Variants in SPMIP7 observed in about 807,000 individuals in gnomAD.
SPMIP7 encodes protein SPMIP7.
the SPMIP7 span, among the ~76,000 whole-genome samples, chr7:50,154,397 A>AC: frequency 4.0e-5 from 6 of 151,834 alleles, no homozygotes; most frequent in East Asian, 9.7e-4. Flanking sequence ...CCGTTGCCTC[A>AC]CCCCCCACCG....
chr7:50,140,205 T>A, the SPMIP7 span: 1 of 1,433,554 alleles, frequency 7.0e-7, no homozygotes, highest in Non-Finnish European at 9.3e-7. Context: ...CTCAGTCTTG[T>A]AAAAAAATTT....
At chr7:50,117,555 T>C in the SPMIP7 span, 4 of 205,536 alleles carry the variant, frequency 1.9e-5, no homozygotes, top group African/African-American at 9.2e-5. Context: ...GCTACTCTAC[T>C]ACCCCTGCCT....
the SPMIP7 span, among the ~76,000 whole-genome samples, chr7:50,111,942 G>A: frequency 8.5e-5 from 13 of 152,098 alleles, no homozygotes; most frequent in East Asian, 1.9e-4. Context: ...TTACTCCCAC[G>A]TCAACTATTT....
chr7:50,149,228 G>A, the SPMIP7 span, among the ~76,000 whole-genome samples: 3 of 152,262 alleles, frequency 2.0e-5, no homozygotes, highest in East Asian at 5.8e-4. Context: ...GCACCATTGG[G>A]AACCTCTGTC....
At chr7:50,099,714 A>T in the SPMIP7 span, among the ~76,000 whole-genome samples, 1 of 152,136 alleles carries the variant, frequency 6.6e-6, no homozygotes, top group Non-Finnish European at 1.5e-5. Context: ...CCCATAGGCA[A>T]CTAGACTGTG....
chr7:50,148,531 A>C, the SPMIP7 span, among the ~76,000 whole-genome samples: 1 of 152,210 alleles, frequency 6.6e-6, no homozygotes, highest in Non-Finnish European at 1.5e-5. Context: ...AAAACCTTTC[A>C]CACAGATGGA....
chr7:50,134,345 ACCT>A, the SPMIP7 span: 1 of 1,041,494 alleles, frequency 9.6e-7, no homozygotes, highest in Non-Finnish European at 1.3e-6. Flanking sequence ...TGTTAACAAT[ACCT>A]AAGGAAGTAA....
chr7:50,129,446 T>C, the SPMIP7 span, among the ~76,000 whole-genome samples: 10 of 152,094 alleles, frequency 6.6e-5, no homozygotes, highest in African/African-American at 2.2e-4. Context: ...TATTTGCTGA[T>C]GTTTCCAATT....
chr7:50,140,133 T>C, the SPMIP7 span: 1 of 1,494,126 alleles, frequency 6.7e-7, no homozygotes. Context: ...TCTTCTCTTT[T>C]TTGAAGTGTG....
chr7:50,105,039 T>C, the SPMIP7 span, among the ~76,000 whole-genome samples: 1 of 152,182 alleles, frequency 6.6e-6, no homozygotes, highest in African/African-American at 2.4e-5. Context: ...AGACAGATAA[T>C]AAATATAAAA....
At chr7:50,145,706 A>G in the SPMIP7 span, among the ~76,000 whole-genome samples, 1 of 140,142 alleles carries the variant, frequency 7.1e-6, no homozygotes, top group African/African-American at 2.7e-5. Flanking sequence ...ACATATATGC[A>G]TCTCACACTT....
the SPMIP7 span, among the ~76,000 whole-genome samples, chr7:50,113,408 A>G: frequency 6.6e-6 from 1 of 152,332 alleles, no homozygotes; most frequent in South Asian, 2.1e-4. Flanking sequence ...AAGACCAAGC[A>G]GCTATTGTAT....
the SPMIP7 span, among the ~76,000 whole-genome samples, chr7:50,119,050 G>A: frequency 6.6e-6 from 1 of 152,112 alleles, no homozygotes; most frequent in African/African-American, 2.4e-5. Context: ...CACAGACTGA[G>A]AACAACCAGA....
the SPMIP7 span, among the ~76,000 whole-genome samples, chr7:50,152,211 G>T: frequency 6.6e-6 from 1 of 152,132 alleles, no homozygotes; most frequent in African/African-American, 2.4e-5. Flanking sequence ...AGCCAGTGTG[G>T]TGGTGGGCAC....
chr7:50,126,828 G>T, the SPMIP7 span, among the ~76,000 whole-genome samples: 4 of 151,638 alleles, frequency 2.6e-5, no homozygotes, highest in Non-Finnish European at 5.9e-5. Flanking sequence ...TAATGAACAC[G>T]TATATTGAAC....
chr7:50,125,259 TACACACATATATATAC>T, the SPMIP7 span, among the ~76,000 whole-genome samples: 1 of 82,718 alleles, frequency 1.2e-5, no homozygotes, highest in Non-Finnish European at 2.5e-5. Context: ...CACATATATA[TACACACATATATATAC>T]ACATATATAC....
chr7:50,138,566 C>T, the SPMIP7 span, among the ~76,000 whole-genome samples: 2 of 152,026 alleles, frequency 1.3e-5, no homozygotes, highest in Admixed American at 6.6e-5. Context: ...AATGGTTAAC[C>T]TTATATATTT....
the SPMIP7 span, among the ~76,000 whole-genome samples, chr7:50,097,072 G>A: frequency 4.6e-3 from 695 of 152,256 alleles, 2 homozygotes; most frequent in African/African-American, 0.016. Flanking sequence ...TACATTTTTT[G>A]GCTCCAATAA....
chr7:50,145,618 GTATA>G, the SPMIP7 span, among the ~76,000 whole-genome samples: 684 of 27,650 alleles, frequency 0.025, 15 homozygotes, highest in Middle Eastern at 0.077. Flanking sequence ...ATATGTGTGT[GTATA>G]TATATATATA....
Sources: gnomAD v4.1 joint callset for allele counts (sites outside exome capture counted in the v4.1 genomes callset) on GRCh38, gnomAD v4.1.1 for gene constraint, MANE v1.5 for transcripts, NCBI Gene and HGNC (gene_info 2026-07-23, HGNC 2026-07-21) for gene names.